RXFP1: variants seen among roughly 807,000 people sequenced by gnomAD.
RXFP1 encodes the protein relaxin receptor 1.
Under a neutral mutation model 89.8 loss-of-function variants are expected in RXFP1, and 73 were observed. The ratio of observed to expected loss-of-function variants is 0.81; its 90% CI spans 0.67 to 0.99. The LOEUF (loss-of-function observed/expected upper bound fraction) is 0.99, where lower values mean the gene tolerates loss of function less well. RXFP1 is among the 50% of genes least tolerant of loss of function. The pLI, the probability that RXFP1 is intolerant of heterozygous loss-of-function variation, is 0.00. For missense variants in RXFP1, 793 were observed against 895.5 expected (o/e 0.89, Z 1.46); for synonymous variants, 277 against 305.5 (o/e 0.91, Z 0.97).
At chr4:158,549,685 G>T (rs1749557270) in intron 1 of RXFP1, among the ~76,000 whole-genome samples, 1 of 152,220 alleles carries the variant, frequency 6.6e-6, no homozygotes, top group African/African-American at 2.4e-5. Context: ...ACCCTCAGCT[G>T]CAGGTCTGTT....
At chr4:158,544,777 T>G (rs1261394720) in intron 1 of RXFP1, among the ~76,000 whole-genome samples, 2 of 152,182 alleles carry the variant, frequency 1.3e-5, no homozygotes, top group African/African-American at 4.8e-5. Flanking sequence ...GGACATGAAC[T>G]CTTCATTTTT....
At chr4:158,626,111 T>TCTAG (rs1206675775) in intron 9 of RXFP1, among the ~76,000 whole-genome samples, 26 of 136,684 alleles carry the variant, frequency 1.9e-4, no homozygotes, top group Non-Finnish European at 2.9e-4. Flanking sequence ...TAGATATCTA[T>TCTAG]ATAGATAGAT....
intron 5 of RXFP1, among the ~76,000 whole-genome samples, chr4:158,606,775 A>C (rs1762611857): frequency 6.7e-6 from 1 of 149,190 alleles, no homozygotes; most frequent in Admixed American, 6.7e-5. Context: ...TTAGAGAGAT[A>C]GGATCTCACT....
intron 2 of RXFP1, among the ~76,000 whole-genome samples, chr4:158,576,761 A>T (rs1001970593): frequency 5.9e-5 from 9 of 152,292 alleles, no homozygotes; most frequent in African/African-American, 1.4e-4. Flanking sequence ...AATAGAAAAA[A>T]AAAATTAATT....
intron 1 of RXFP1, among the ~76,000 whole-genome samples, chr4:158,560,839 G>A (rs531336393): frequency 2.0e-5 from 3 of 152,272 alleles, no homozygotes; most frequent in Admixed American, 6.5e-5. Context: ...GTCTGCCCAC[G>A]TCTCACTGGT....
At chr4:158,607,930 C>T in intron 5 of RXFP1, 42 bp from the exon 6 acceptor site, 2 of 1,356,624 alleles carry the variant, frequency 1.5e-6, no homozygotes, top group South Asian at 1.2e-5. Flanking sequence ...AAAAGTGAAA[C>T]TCTGCTTCAT....
At chr4:158,578,072 A>G (rs1470371250) in intron 2 of RXFP1, among the ~76,000 whole-genome samples, 1 of 152,240 alleles carries the variant, frequency 6.6e-6, no homozygotes, top group Non-Finnish European at 1.5e-5. Flanking sequence ...AAATATTTAC[A>G]CAATATGGAA....
intron 2 of RXFP1, among the ~76,000 whole-genome samples, chr4:158,583,080 G>A (rs547123147): frequency 6.6e-6 from 1 of 152,324 alleles, no homozygotes; most frequent in South Asian, 2.1e-4. Context: ...AGGAATTTAA[G>A]AGAAGGAAAA....
At chr4:158,590,472 TA>T (rs1392877602) in intron 2 of RXFP1, among the ~76,000 whole-genome samples, 2 of 152,196 alleles carry the variant, frequency 1.3e-5, no homozygotes, top group African/African-American at 4.8e-5. Context: ...TTCCTTTCTT[TA>T]ATCTCTCCAG....
intron 1 of RXFP1, among the ~76,000 whole-genome samples, chr4:158,548,052 T>G (rs920201048): frequency 6.6e-6 from 1 of 152,230 alleles, no homozygotes; most frequent in Non-Finnish European, 1.5e-5. Flanking sequence ...CAGTGGGGTG[T>G]TAAAGTCTCC....
intron 2 of RXFP1, among the ~76,000 whole-genome samples, chr4:158,573,900 TTCTTA>T (rs1755677731): frequency 6.6e-6 from 1 of 152,192 alleles, no homozygotes; most frequent in Admixed American, 6.5e-5. Context: ...CTGTTGCCCT[TTCTTA>T]TCTTTTGGGA....
intron 10 of RXFP1, among the ~76,000 whole-genome samples, chr4:158,628,047 T>C (rs73860558): frequency 1.9e-3 from 286 of 152,294 alleles, no homozygotes; most frequent in African/African-American, 6.4e-3. Flanking sequence ...AGACATGTCA[T>C]ACAATGTTTA....
At chr4:158,606,724 C>A (rs527386551) in intron 5 of RXFP1, among the ~76,000 whole-genome samples, 1 of 151,470 alleles carries the variant, frequency 6.6e-6, no homozygotes, top group East Asian at 1.9e-4. Flanking sequence ...GCTAGGACTA[C>A]AGGCATGTGC....
chr4:158,541,089 G>C (rs1746494964), intron 1 of RXFP1, among the ~76,000 whole-genome samples: 1 of 152,108 alleles, frequency 6.6e-6, no homozygotes, highest in South Asian at 2.1e-4. Flanking sequence ...GGCTGCCCTT[G>C]ATGGCATTCA....
At chr4:158,629,368 T>C (rs1767576285) in intron 11 of RXFP1, among the ~76,000 whole-genome samples, 3 of 152,180 alleles carry the variant, frequency 2.0e-5, no homozygotes, top group African/African-American at 7.2e-5. Context: ...CTTGTATCCA[T>C]AAGGAAATTA....
chr4:158,571,066 G>C (rs1754953814), intron 1 of RXFP1, among the ~76,000 whole-genome samples: 1 of 152,086 alleles, frequency 6.6e-6, no homozygotes, highest in Non-Finnish European at 1.5e-5. Context: ...ACTACCCCTT[G>C]TACAAAGCAC....
chr4:158,556,909 T>C (rs1050253068), intron 1 of RXFP1, among the ~76,000 whole-genome samples: 3 of 151,888 alleles, frequency 2.0e-5, no homozygotes, highest in Admixed American at 2.0e-4. Context: ...AGATACAGAG[T>C]AGAACAGTGG....
chr4:158,535,283 C>T (rs971205523), intron 1 of RXFP1, among the ~76,000 whole-genome samples: 1 of 152,178 alleles, frequency 6.6e-6, no homozygotes, highest in African/African-American at 2.4e-5. Flanking sequence ...AGAACCAGAT[C>T]ATGAAGGTCT....
At chr4:158,524,006 G>C (rs1225050081) in intron 1 of RXFP1, among the ~76,000 whole-genome samples, 1 of 152,152 alleles carries the variant, frequency 6.6e-6, no homozygotes, top group Non-Finnish European at 1.5e-5. Flanking sequence ...ACCATGTACC[G>C]GTTCTGTGGT....
Sources: gnomAD v4.1 joint callset for allele counts (sites outside exome capture counted in the v4.1 genomes callset) on GRCh38, gnomAD v4.1.1 for gene constraint, MANE v1.5 for transcripts, NCBI Gene and HGNC (gene_info 2026-07-23, HGNC 2026-07-21) for gene names.